TMOD3: variants seen among roughly 807,000 people sequenced by gnomAD.
TMOD3 encodes tropomodulin 3, also known as tropomodulin-3.
In TMOD3, 20 loss-of-function variants were observed where a neutral mutation model predicts 39.2. That is an observed-to-expected ratio of 0.51 (90% CI 0.36 to 0.74). TMOD3 has a LOEUF of 0.74. Among genes scored for constraint, TMOD3 ranks in the 30% least tolerant of loss-of-function variants. The probability of loss-of-function intolerance (pLI) is 0.00; values close to 1 mark genes in which losing one functional copy is unlikely to be tolerated. For missense variants in TMOD3, 381 were observed against 412.8 expected, an observed-to-expected ratio of 0.92 and a Z score of 0.67; for synonymous variants, 143 against 145.8, an observed-to-expected ratio of 0.98 and a Z score of 0.14.
intron 1 of TMOD3, chr15:51,859,822 C>T (rs1458859239): frequency 3.3e-5 from 17 of 514,408 alleles, no homozygotes; most frequent in Non-Finnish European, 6.7e-5. Flanking sequence ...TAGAGCTTTC[C>T]TCAGGAAGTT....
chr15:51,854,362 C>G (rs988125873), intron 1 of TMOD3, among the ~76,000 whole-genome samples: 1 of 152,174 alleles, frequency 6.6e-6, no homozygotes, highest in Non-Finnish European at 1.5e-5. Context: ...TTGCCTAACC[C>G]TGTTGTGGGT....
intron 1 of TMOD3, among the ~76,000 whole-genome samples, chr15:51,838,209 C>T (rs1032888466): frequency 6.6e-6 from 1 of 152,112 alleles, no homozygotes; most frequent in Non-Finnish European, 1.5e-5. Context: ...ATATACTTCT[C>T]CACTCCTCTC....
chr15:51,893,773 A>T, intron 5 of TMOD3, 42 bp from the exon 6 acceptor site: 1 of 1,465,348 alleles, frequency 6.8e-7, no homozygotes, highest in Non-Finnish European at 9.1e-7. Flanking sequence ...TCAAAAAAAA[A>T]AAAATGGTAT....
intron 5 of TMOD3, among the ~76,000 whole-genome samples, 191 bp from the exon 6 acceptor site, chr15:51,893,624 G>T (rs962605282): frequency 1.2e-4 from 19 of 152,220 alleles, no homozygotes; most frequent in Non-Finnish European, 2.5e-4. Flanking sequence ...AATTAGCTGG[G>T]CGTGGTGGCA....
rs1595917779 is a variant in TMOD3, at chr15:51,913,444, C to G, written c.*4634C>G. On this transcript the variant is annotated 3_prime_UTR_variant, in exon 10 of 10. Transcript: ENST00000308580. ...GGTGTAATGCCCAGTATTCCAAAAT[C>G]CAAAATAATTTGAAATCTGAAACAC... 1.3e-5 allele frequency: 2 copies of G among 152,216 alleles called. No homozygotes were observed. Among genetic ancestry groups the G allele is most frequent in the East Asian group, 3.9e-4 (2 of 5,190 alleles). The allele number at this position is 152,216 out of a possible 1,614,324, so 9.4% of individuals were successfully genotyped here. A position where few individuals can be genotyped will look rare whatever the true frequency, so the allele number is the denominator to read the frequency against.
At chr15:51,844,445 C>T (rs771424829) in intron 1 of TMOD3, among the ~76,000 whole-genome samples, 10 of 152,334 alleles carry the variant, frequency 6.6e-5, no homozygotes, top group East Asian at 1.9e-4. Context: ...TCCCAAAGGC[C>T]TCTTTCCTAA....
chr15:51,838,784 C>T (rs1406424938), intron 1 of TMOD3, among the ~76,000 whole-genome samples: 1 of 152,130 alleles, frequency 6.6e-6, no homozygotes, highest in Non-Finnish European at 1.5e-5. Context: ...TGTGCTTTCC[C>T]CTTAGCTTCA....
chr15:51,888,625 C>T, intron 4 of TMOD3, among the ~76,000 whole-genome samples: 1 of 152,044 alleles, frequency 6.6e-6, no homozygotes. Flanking sequence ...AACTACAGTC[C>T]AAGTGTAAAT....
At chr15:51,901,489 G>T (rs1186471000) in intron 8 of TMOD3, 1 of 156,374 alleles carries the variant, frequency 6.4e-6, no homozygotes, top group African/African-American at 2.4e-5. Context: ...ACTTATCCTA[G>T]TGGGTATGAA....
chr15:51,898,256 C>T (rs1409977983), intron 7 of TMOD3, among the ~76,000 whole-genome samples: 1 of 152,186 alleles, frequency 6.6e-6, no homozygotes, highest in East Asian at 1.9e-4. Context: ...ACATTTGTTC[C>T]TTCTGCCTTG....
intron 1 of TMOD3, among the ~76,000 whole-genome samples, chr15:51,841,185 C>A (rs1314646863): frequency 6.6e-6 from 1 of 152,118 alleles, no homozygotes; most frequent in Non-Finnish European, 1.5e-5. Flanking sequence ...AACAGGTATA[C>A]AAACAAAAAT....
chr15:51,839,189 T>A (rs965490303), intron 1 of TMOD3, among the ~76,000 whole-genome samples: 2 of 149,226 alleles, frequency 1.3e-5, no homozygotes, highest in Admixed American at 6.6e-5. Flanking sequence ...CCATTTTGTT[T>A]GAGACTGGGT....
rs941923813 is a variant in TMOD3 at position 51,913,514 on chromosome 15, G to A, written c.*4704G>A. The A allele has an allele frequency of 4.6e-5, 7 of 152,114 alleles. No homozygotes were observed. The highest frequency in any genetic ancestry group is 1.7e-4 in the African/African-American group (7 of 41,424). 9.4% of individuals were successfully genotyped at this position (152,114 alleles called of 1,614,324 possible). A position where few individuals can be genotyped will look rare whatever the true frequency, so the allele number is the denominator to read the frequency against. ...GGATAAGGGATACTCAACCTGTATT[G>A]ATTTTTCTCCACTATAATTCAGTTC... On this transcript the variant is annotated 3_prime_UTR_variant, in exon 10 of 10. Transcript: ENST00000308580.
chr15:51,849,180 C>T (rs993073974), intron 1 of TMOD3, among the ~76,000 whole-genome samples: 10 of 152,110 alleles, frequency 6.6e-5, no homozygotes, highest in Middle Eastern at 3.4e-3. Context: ...GTGTGGAGTG[C>T]GAGAGAAATC....
At chr15:51,843,760 C>T (rs1193871844) in intron 1 of TMOD3, among the ~76,000 whole-genome samples, 3 of 152,058 alleles carry the variant, frequency 2.0e-5, no homozygotes, top group Non-Finnish European at 4.4e-5. Flanking sequence ...AAAACATACC[C>T]CAAAACTGCC....
chr15:51,905,950 CAAAAAAAAAAAAAAAAAA>C (rs869172248), intron 9 of TMOD3, among the ~76,000 whole-genome samples: 42 of 64,746 alleles, frequency 6.5e-4, no homozygotes, highest in East Asian at 2.8e-3. Context: ...GACTCCGTCT[CAAAAAAAAAAAAAAAAAA>C]AAAAAAAAAA....
In TMOD3 at chr15:51,862,975, C is replaced by CAACT; in HGVS notation, c.92_95dup (p.Glu33ThrfsTer7). 1 of 1,613,986 alleles carries CAACT rather than the reference C, an allele frequency of 6.2e-7. No individual in the cohort carries two copies. Among genetic ancestry groups the CAACT allele is most frequent in the Non-Finnish European group, 8.5e-7 (1 of 1,179,908 alleles). ...GAATCTGTCAGAAACAGAACTGAAACAACTGGAAACTGTTTTGGATGATCT... is the reference window on the plus strand; with the variant it reads ...GAATCTGTCAGAAACAGAACTGAAACAACTAACTGGAAACTGTTTTGGATGATCT... On this transcript the variant is annotated frameshift_variant, in exon 2 of 10. Transcript: ENST00000308580. LOFTEE classifies it high-confidence loss of function.
chr15:51,897,482 A>ATT (rs1167476019), intron 7 of TMOD3, among the ~76,000 whole-genome samples: 5,320 of 113,012 alleles, frequency 0.047, 332 homozygotes, highest in African/African-American at 0.12. Context: ...AAAAAAAAAA[A>ATT]TTTTTTTTTT....
chr15:51,859,919 G>T (rs1246291325), intron 1 of TMOD3: 1 of 542,958 alleles, frequency 1.8e-6, no homozygotes, highest in Non-Finnish European at 3.7e-6. Flanking sequence ...TGCAGTCATG[G>T]TTCTTTCCAA....
Sources: allele counts gnomAD v4.1 joint callset (sites outside exome capture counted in the v4.1 genomes callset), GRCh38; gene constraint gnomAD v4.1.1; transcripts MANE v1.5; gene names NCBI Gene and HGNC (gene_info 2026-07-23, HGNC 2026-07-21).